The following MIR2052HG variants were observed in gnomAD, a reference collection of about 807,000 sequenced individuals.
MIR2052HG encodes MIR2052 host gene.
At chr8:74,741,954 G>A (rs1809835777) in intron 4 of MIR2052HG, among the ~76,000 whole-genome samples, 1 of 152,166 alleles carries the variant, frequency 6.6e-6, no homozygotes, top group African/African-American at 2.4e-5. Context: ...GTGCTTAACA[G>A]GCAACTCAAA....
chr8:74,740,190 G>T (rs1256486406), intron 4 of MIR2052HG, among the ~76,000 whole-genome samples: 1 of 152,010 alleles, frequency 6.6e-6, no homozygotes, highest in South Asian at 2.1e-4. Context: ...TGGGCTAGGC[G>T]CAGTGGGTCA....
intron 4 of MIR2052HG, among the ~76,000 whole-genome samples, chr8:74,733,171 G>A (rs1019524745): frequency 4.6e-5 from 7 of 151,866 alleles, no homozygotes; most frequent in South Asian, 2.1e-4. Context: ...ATGCTGGTGC[G>A]CTGCACCCAC....
At chr8:74,739,600 T>C (rs1012982686) in intron 4 of MIR2052HG, among the ~76,000 whole-genome samples, 4 of 152,140 alleles carry the variant, frequency 2.6e-5, no homozygotes, top group African/African-American at 7.2e-5. Context: ...GTTGTAGTAA[T>C]GTCTTCACTG....
chr8:74,626,604 A>G (rs1460335484), intron 2 of MIR2052HG, among the ~76,000 whole-genome samples: 1 of 152,238 alleles, frequency 6.6e-6, no homozygotes, highest in Non-Finnish European at 1.5e-5. Flanking sequence ...GCTCTAAGCA[A>G]CAAGATGCTT....
At chr8:74,643,397 A>G (rs1586901415) in intron 2 of MIR2052HG, among the ~76,000 whole-genome samples, 1 of 152,196 alleles carries the variant, frequency 6.6e-6, no homozygotes, top group Non-Finnish European at 1.5e-5. Flanking sequence ...AGAATTAACA[A>G]TTCCAGGAGG....
At chr8:74,623,934 A>G (rs1000724977) in intron 2 of MIR2052HG, among the ~76,000 whole-genome samples, 4 of 152,196 alleles carry the variant, frequency 2.6e-5, no homozygotes, top group African/African-American at 4.8e-5. Flanking sequence ...TTTAATCATG[A>G]AATTAGAAAG....
intron 4 of MIR2052HG, among the ~76,000 whole-genome samples, chr8:74,751,868 A>T (rs1308390689): frequency 6.6e-6 from 1 of 152,224 alleles, no homozygotes; most frequent in Non-Finnish European, 1.5e-5. Context: ...TAGGGATATC[A>T]AGAAGATGGT....
At chr8:74,742,425 A>G (rs770631296) in intron 4 of MIR2052HG, among the ~76,000 whole-genome samples, 1 of 152,168 alleles carries the variant, frequency 6.6e-6, no homozygotes, top group Non-Finnish European at 1.5e-5. Context: ...CAGGTTATCT[A>G]CTTTTTTGTT....
intron 4 of MIR2052HG, among the ~76,000 whole-genome samples, chr8:74,722,265 C>T (rs566417416): frequency 5.3e-5 from 8 of 152,308 alleles, no homozygotes; most frequent in Non-Finnish European, 1.2e-4. Flanking sequence ...GCAGCCTCTG[C>T]AGAAGGCTCT....
intron 4 of MIR2052HG, chr8:74,705,895 G>A (rs996118145): frequency 7.6e-5 from 12 of 158,838 alleles, no homozygotes; most frequent in Admixed American, 4.6e-4. Context: ...TGAAATGTTC[G>A]GGAAAAAAAA....
chr8:74,655,411 G>T (rs1283318735), intron 2 of MIR2052HG, among the ~76,000 whole-genome samples: 2 of 152,118 alleles, frequency 1.3e-5, no homozygotes, highest in Non-Finnish European at 2.9e-5. Context: ...TTGGGGACCT[G>T]GCCCAGGGTC....
At chr8:74,633,718 C>T (rs577689446) in intron 2 of MIR2052HG, among the ~76,000 whole-genome samples, 15 of 152,232 alleles carry the variant, frequency 9.9e-5, no homozygotes, top group East Asian at 9.7e-4. Flanking sequence ...ATGCTGAGTA[C>T]GCTAAAGATA....
intron 2 of MIR2052HG, among the ~76,000 whole-genome samples, chr8:74,671,561 C>T (rs1011051882): frequency 6.6e-6 from 1 of 152,010 alleles, no homozygotes; most frequent in Non-Finnish European, 1.5e-5. Context: ...TCTTTCTCAT[C>T]TGGAGATATA....
chr8:74,619,460 A>G (rs1479616993), intron 2 of MIR2052HG, among the ~76,000 whole-genome samples: 1 of 152,188 alleles, frequency 6.6e-6, no homozygotes, highest in Non-Finnish European at 1.5e-5. Context: ...ACTGCTATGA[A>G]GAAATATCTG....
intron 4 of MIR2052HG, among the ~76,000 whole-genome samples, chr8:74,723,527 AT>A (rs60322961): frequency 0.01 from 1,513 of 146,474 alleles, 9 homozygotes; most frequent in East Asian, 0.024. Flanking sequence ...CTTCATCCTT[AT>A]TTTTTTTTTT....
intron 2 of MIR2052HG, among the ~76,000 whole-genome samples, chr8:74,699,981 T>C (rs972046786): frequency 6.6e-6 from 1 of 152,178 alleles, no homozygotes; most frequent in Non-Finnish European, 1.5e-5. Context: ...CTAAAATTCA[T>C]TAAGTGCTAA....
intron 4 of MIR2052HG, among the ~76,000 whole-genome samples, chr8:74,738,341 G>A (rs906272449): frequency 6.6e-6 from 1 of 152,034 alleles, no homozygotes; most frequent in Non-Finnish European, 1.5e-5. Context: ...TGGCTCACAA[G>A]GCTTCCAATG....
intron 2 of MIR2052HG, among the ~76,000 whole-genome samples, chr8:74,646,701 A>G: frequency 6.6e-6 from 1 of 152,148 alleles, no homozygotes. Context: ...AAGCAGATGG[A>G]TAGATCACTT....
chr8:74,738,228 A>T (rs1193156020), intron 4 of MIR2052HG, among the ~76,000 whole-genome samples: 1 of 151,852 alleles, frequency 6.6e-6, no homozygotes, highest in Non-Finnish European at 1.5e-5. Context: ...CCTTCTTCCT[A>T]CATGTACCGT....
Sources: allele counts gnomAD v4.1 joint callset (sites outside exome capture counted in the v4.1 genomes callset), GRCh38; gene constraint gnomAD v4.1.1; transcripts MANE v1.5; gene names NCBI Gene and HGNC (gene_info 2026-07-23, HGNC 2026-07-21).